The following FLRT1 variants were observed in gnomAD, a reference collection of about 807,000 sequenced individuals.
FLRT1 encodes leucine-rich repeat transmembrane protein FLRT1.
In FLRT1, 14 loss-of-function variants were observed where a neutral mutation model predicts 30.9. That is an observed-to-expected ratio of 0.45 (90% CI 0.30 to 0.71). The LOEUF is 0.71. FLRT1 is among the 30% of genes least tolerant of loss of function. The pLI, the probability that FLRT1 is intolerant of heterozygous loss-of-function variation, is 0.08. For synonymous variants in FLRT1, 368 were observed against 430.4 expected, an observed-to-expected ratio of 0.85 and a Z score of 1.80; for missense variants, 737 against 949.2, an observed-to-expected ratio of 0.78 and a Z score of 2.94.
At chr11:64,116,050 C>T (rs577065924) in intron 2 of FLRT1, among the ~76,000 whole-genome samples, 169 bp from the exon 3 acceptor site, 3 of 152,184 alleles carry the variant, frequency 2.0e-5, no homozygotes, top group Non-Finnish European at 2.9e-5. Context: ...CAATCACCTG[C>T]GGCATAAACC....
In FLRT1 at chr11:64,067,097, T is replaced by C. The variant is rs1944019043; in HGVS notation, c.-1038+30938T>C. Among the ~76,000 whole-genome samples, 1 of 152,036 alleles carries C rather than the reference T, an allele frequency of 6.6e-6. No individual in the cohort carries two copies. Among genetic ancestry groups the C allele is most frequent in the South Asian group, 2.1e-4 (1 of 4,826 alleles). ...TTGGGTAAACTAAGGCCTGGCAGAATGGAAGCCATTCTCATTACACCACAG... is the reference window on the plus strand; with the variant it reads ...TTGGGTAAACTAAGGCCTGGCAGAACGGAAGCCATTCTCATTACACCACAG... On this transcript the variant is annotated intron_variant, in intron 1 of 2. Transcript: ENST00000682287. The surrounding 1 kb of genome is among the most constrained non-coding windows in gnomAD (Gnocchi z 4.6).
chr11:64,114,898 T>C (rs952682695), intron 2 of FLRT1, among the ~76,000 whole-genome samples: 28 of 152,066 alleles, frequency 1.8e-4, no homozygotes, highest in African/African-American at 4.6e-4. Context: ...CCTGCAAGAG[T>C]AGCTTGCTCG....
intron 1 of FLRT1, among the ~76,000 whole-genome samples, chr11:64,075,034 C>T (rs1197294312): frequency 6.6e-6 from 1 of 152,260 alleles, no homozygotes; most frequent in Non-Finnish European, 1.5e-5. Context: ...CCACCCTAGC[C>T]ACCTGTGTGC....
At chr11:64,039,758 C>T (rs1242377672) in intron 1 of FLRT1, among the ~76,000 whole-genome samples, 3 of 152,232 alleles carry the variant, frequency 2.0e-5, no homozygotes, top group East Asian at 1.9e-4. Context: ...CCGGGGCCAG[C>T]GGCTCTGCAG....
At chr11:64,055,533 C>T (rs1381841591) in intron 1 of FLRT1, among the ~76,000 whole-genome samples, 2 of 152,164 alleles carry the variant, frequency 1.3e-5, no homozygotes, top group African/African-American at 4.8e-5. Context: ...AGCGGGGGAA[C>T]CTTTCACTGG....
At position 64,068,659 on chromosome 11, in the gene FLRT1, C is replaced by A. The variant is rs575055671; in HGVS notation, c.-1038+32500C>A. ...TGCAGAGGGGCTTTTGTCTCTACCC[C>A]CTCCAGCCTGCACCAAGGGTCCTGA... On this transcript the variant is annotated intron_variant, in intron 1 of 2. Transcript: ENST00000682287. Among the ~76,000 whole-genome samples the A allele has an allele frequency of 5.6e-4, 86 of 152,352 alleles. No individual in the cohort carries two copies. The South Asian group carries it at 8.1e-3, about 14-fold the overall frequency.
chr11:64,102,052 C>T (rs537129718), intron 1 of FLRT1, among the ~76,000 whole-genome samples: 19 of 152,306 alleles, frequency 1.2e-4, no homozygotes, highest in Non-Finnish European at 1.9e-4. Flanking sequence ...TTATTTGTAA[C>T]GGCCTCTGAC....
chr11:64,086,258 G>A (rs1223848459), intron 1 of FLRT1, among the ~76,000 whole-genome samples: 1 of 151,770 alleles, frequency 6.6e-6, no homozygotes, highest in Non-Finnish European at 1.5e-5. Flanking sequence ...GGGGCCAGAG[G>A]GAGGCTTCCT....
chr11:64,111,856 C>T (rs1482196764), intron 2 of FLRT1, among the ~76,000 whole-genome samples: 1 of 152,200 alleles, frequency 6.6e-6, no homozygotes, highest in Non-Finnish European at 1.5e-5. Context: ...CCTGGGATGG[C>T]CCTGGGCAAA....
intron 1 of FLRT1, among the ~76,000 whole-genome samples, chr11:64,081,429 G>T (rs929173212): frequency 6.6e-6 from 1 of 152,212 alleles, no homozygotes. Flanking sequence ...CCTGGGACCT[G>T]TCCCAGCTGT....
At chr11:64,070,410 G>A (rs151282695) in intron 1 of FLRT1, among the ~76,000 whole-genome samples, 215 of 152,290 alleles carry the variant, frequency 1.4e-3, no homozygotes, top group African/African-American at 4.9e-3. Flanking sequence ...AGCCGGCCAC[G>A]CCTCTCCAGG....
At chr11:64,054,972 A>G (rs1043558196) in intron 1 of FLRT1, among the ~76,000 whole-genome samples, 4 of 152,004 alleles carry the variant, frequency 2.6e-5, no homozygotes, top group East Asian at 1.9e-4. Flanking sequence ...AGGATCTCCT[A>G]CCAGCCCTTT....
chr11:64,116,112 C>T (rs1007313961), intron 2 of FLRT1, 107 bp from the exon 3 acceptor site: 12 of 1,200,574 alleles, frequency 1.0e-5, no homozygotes, highest in African/African-American at 6.1e-5. Context: ...GACCGGACTT[C>T]GGTCACCCCT....
intron 1 of FLRT1, among the ~76,000 whole-genome samples, chr11:64,051,676 C>T (rs1165923502): frequency 2.0e-5 from 3 of 152,160 alleles, no homozygotes; most frequent in East Asian, 1.9e-4. Context: ...GCTCACGGCC[C>T]GGAGCTTATA....
intron 1 of FLRT1, among the ~76,000 whole-genome samples, chr11:64,068,348 G>C (rs79595243): frequency 0.05 from 7,672 of 152,252 alleles, 239 homozygotes; most frequent in South Asian, 0.13. Flanking sequence ...ATGCCTACCA[G>C]GCCCTGGCAG....
rs535609946 is a variant in FLRT1, at chr11:64,107,334, T to C, written c.-50+3153T>C. 9.2e-5 allele frequency among the ~76,000 whole-genome samples: 14 copies of C among 152,278 alleles called. No homozygotes were observed. The South Asian group carries it at 2.9e-3, about 32-fold the overall frequency. Reference sequence around the variant, plus strand: ...AGGAACAAAATTACACGTGTCTCCTTTCATCCCCCCACCCCCTCCTGGCCT... The same window carrying C: ...AGGAACAAAATTACACGTGTCTCCTCTCATCCCCCCACCCCCTCCTGGCCT... On this transcript the variant is annotated intron_variant, in intron 2 of 2. Transcript: ENST00000682287.
intron 1 of FLRT1, chr11:64,060,640 C>T (rs1379413205): frequency 1.3e-5 from 2 of 152,202 alleles, no homozygotes; most frequent in African/African-American, 4.8e-5. Flanking sequence ...CCTCCGGACG[C>T]CGTGACCTGG....
chr11:64,099,064 G>A (rs1944626953), intron 1 of FLRT1, among the ~76,000 whole-genome samples: 1 of 152,244 alleles, frequency 6.6e-6, no homozygotes, highest in Non-Finnish European at 1.5e-5. Context: ...TGCCAAGGGT[G>A]GGCAGTGGCT....
chr11:64,109,230 G>A (rs1304441067), intron 2 of FLRT1, among the ~76,000 whole-genome samples: 1 of 152,132 alleles, frequency 6.6e-6, no homozygotes, highest in East Asian at 1.9e-4. Flanking sequence ...GGTTCCATGA[G>A]GGCCAGGAGC....
Sources: allele counts gnomAD v4.1 joint callset (sites outside exome capture counted in the v4.1 genomes callset), GRCh38; gene constraint gnomAD v4.1.1; non-coding constraint Gnocchi (gnomAD v3.1); transcripts MANE v1.5; gene names NCBI Gene and HGNC (gene_info 2026-07-23, HGNC 2026-07-21).